The following EPB41 variants were observed in gnomAD, a reference collection of about 807,000 sequenced individuals.
EPB41 encodes erythrocyte membrane protein band 4.1, also known as protein 4.1.
A neutral mutation model predicts 108.0 loss-of-function variants in EPB41; 65 were observed. The ratio of observed to expected loss-of-function variants is 0.60; its 90% CI spans 0.49 to 0.74. EPB41 has a LOEUF of 0.74. EPB41 is among the 30% of genes least tolerant of loss of function. The probability of loss-of-function intolerance (pLI) is 0.00; values close to 1 mark genes in which losing one functional copy is unlikely to be tolerated. For synonymous variants in EPB41, 336 were observed against 358.9 expected (o/e 0.94, Z 0.72); for missense variants, 875 against 1,037.0 (o/e 0.84, Z 2.15).
At chr1:29,002,518 A>G (rs2096316353) in intron 4 of EPB41, among the ~76,000 whole-genome samples, 1 of 152,144 alleles carries the variant, frequency 6.6e-6, no homozygotes, top group Admixed American at 6.5e-5. Context: ...CCTTGGCTTT[A>G]AAAGAAAAGA....
chr1:29,098,484 C>T (rs1429113067), intron 17 of EPB41, among the ~76,000 whole-genome samples: 1 of 152,034 alleles, frequency 6.6e-6, no homozygotes, highest in Non-Finnish European at 1.5e-5. Flanking sequence ...CGTGAGCCAC[C>T]ACGCCTGGCC....
chr1:28,930,337 AT>A (rs954698298), intron 1 of EPB41, among the ~76,000 whole-genome samples: 35 of 144,662 alleles, frequency 2.4e-4, no homozygotes, highest in Admixed American at 9.0e-4. Context: ...AAAAAAAAAA[AT>A]TTTTTTTTTT....
At chr1:29,064,523 A>C (rs191089469) in intron 15 of EPB41, among the ~76,000 whole-genome samples, 1 of 152,226 alleles carries the variant, frequency 6.6e-6, no homozygotes, top group Non-Finnish European at 1.5e-5. Flanking sequence ...AAGACAGCCA[A>C]TGGTGGAAGT....
chr1:28,897,585 G>GAGGGA (rs143813468), intron 1 of EPB41, among the ~76,000 whole-genome samples: 2 of 123,272 alleles, frequency 1.6e-5, no homozygotes, highest in African/African-American at 6.3e-5. Context: ...AAGGGAAGCG[G>GAGGGA]AGGGAAGGGA....
At position 28,978,214 on chromosome 1, in the gene EPB41, T is replaced by C. The variant is rs138566338; in HGVS notation, c.-7-9217T>C. On this transcript the variant is annotated intron_variant, in intron 1 of 20. Transcript: ENST00000343067. ...CTTGTTTTTTACATATGTCCCATTA[T>C]GTGGCAAAATGTCTCAATTCTGTAC... Among the ~76,000 whole-genome samples, 578 of 151,654 alleles carry C rather than the reference T, an allele frequency of 3.8e-3. 21 individuals carry two copies. The highest frequency in any genetic ancestry group is 0.013 in the African/African-American group (539 of 41,018).
intron 16 of EPB41, among the ~76,000 whole-genome samples, chr1:29,084,155 G>A (rs1657854511): frequency 6.6e-6 from 1 of 152,164 alleles, no homozygotes; most frequent in Admixed American, 6.5e-5. Flanking sequence ...GTGTGTCTGT[G>A]CACCCTCATC....
intron 19 of EPB41, among the ~76,000 whole-genome samples, chr1:29,113,773 C>T (rs1669989083): frequency 6.6e-6 from 1 of 152,168 alleles, no homozygotes; most frequent in Non-Finnish European, 1.5e-5. Flanking sequence ...CACTTGGTAG[C>T]TCAGAGAGAT....
intron 10 of EPB41, among the ~76,000 whole-genome samples, chr1:29,036,676 ATTT>A (rs201679138): frequency 8.6e-6 from 1 of 116,118 alleles, no homozygotes; most frequent in African/African-American, 3.1e-5. Context: ...TGTGAAGCTG[ATTT>A]TTTTTTTTTT....
At chr1:29,007,467 T>C (rs1342444512) in intron 4 of EPB41, among the ~76,000 whole-genome samples, 1 of 152,228 alleles carries the variant, frequency 6.6e-6, no homozygotes, top group African/African-American at 2.4e-5. Context: ...TCAAACAGTT[T>C]TCTGTAGTGG....
chr1:28,983,397 G>T (rs2095801599), intron 1 of EPB41, among the ~76,000 whole-genome samples: 2 of 152,182 alleles, frequency 1.3e-5, no homozygotes, highest in South Asian at 4.1e-4. Context: ...TGTAATGGTG[G>T]TTTTCTGTGC....
intron 11 of EPB41, among the ~76,000 whole-genome samples, chr1:29,051,271 G>C (rs1644472839): frequency 6.6e-6 from 1 of 150,574 alleles, no homozygotes; most frequent in Non-Finnish European, 1.5e-5. Context: ...GCTAATTTTT[G>C]TATTTTTAGT....
intron 7 of EPB41, 120 bp from the exon 8 acceptor site, chr1:29,030,280 A>G (rs1473261770): frequency 1.3e-6 from 1 of 756,720 alleles, no homozygotes; most frequent in Non-Finnish European, 2.3e-6. Flanking sequence ...ACTAGGAAAT[A>G]TATCTTAATA....
intron 13 of EPB41, 76 bp downstream of exon 13, chr1:29,058,721 CT>C: frequency 6.5e-7 from 1 of 1,546,236 alleles, no homozygotes; most frequent in Admixed American, 1.9e-5. Context: ...CTCCCTTTTC[CT>C]TAAAAAAATT....
At chr1:28,955,125 G>A (rs1169015620) in intron 1 of EPB41, among the ~76,000 whole-genome samples, 1 of 152,166 alleles carries the variant, frequency 6.6e-6, no homozygotes, top group African/African-American at 2.4e-5. Context: ...CAGGGAAGTA[G>A]GTTGACTATT....
intron 1 of EPB41, among the ~76,000 whole-genome samples, chr1:28,906,180 G>T (rs2147958686): frequency 6.6e-6 from 1 of 152,264 alleles, no homozygotes; most frequent in South Asian, 2.1e-4. Context: ...TGGAAACTGA[G>T]GTTAGTCAAA....
At chr1:28,896,984 G>C (rs1344375466) in intron 1 of EPB41, among the ~76,000 whole-genome samples, 1 of 152,214 alleles carries the variant, frequency 6.6e-6, no homozygotes, top group Non-Finnish European at 1.5e-5. Flanking sequence ...GGAGGAGGAG[G>C]CAGAGCTGGG....
chr1:28,988,306 C>T (rs2095918164), intron 2 of EPB41, among the ~76,000 whole-genome samples: 1 of 152,128 alleles, frequency 6.6e-6, no homozygotes, highest in Non-Finnish European at 1.5e-5. Flanking sequence ...TTCTTACTAG[C>T]TAGTTGACTT....
At chr1:29,111,705 G>A (rs934421300) in intron 18 of EPB41, among the ~76,000 whole-genome samples, 3 of 152,048 alleles carry the variant, frequency 2.0e-5, no homozygotes, top group African/African-American at 7.2e-5. Context: ...AAGGCTGGAT[G>A]TGGTGGCTCA....
At chr1:29,006,789 A>G (rs1482440003) in intron 4 of EPB41, among the ~76,000 whole-genome samples, 1 of 151,828 alleles carries the variant, frequency 6.6e-6, no homozygotes, top group Admixed American at 6.6e-5. Flanking sequence ...AGTCCCAGCT[A>G]CTCAGGAGTC....
Sources: allele counts gnomAD v4.1 joint callset (sites outside exome capture counted in the v4.1 genomes callset), GRCh38; gene constraint gnomAD v4.1.1; transcripts MANE v1.5; gene names NCBI Gene and HGNC (gene_info 2026-07-23, HGNC 2026-07-21).